The following MICAL2 variants were observed in gnomAD, a reference collection of about 807,000 sequenced individuals.
The protein encoded by MICAL2 is [F-actin]-monooxygenase MICAL2.
In MICAL2, 77 loss-of-function variants were observed where a neutral mutation model predicts 127.3. The observed-to-expected ratio is 0.60, with a 90% confidence interval of 0.50 to 0.73. MICAL2 has a LOEUF of 0.73. MICAL2 is among the 30% of genes least tolerant of loss of function. MICAL2 has a pLI of 0.00. For synonymous variants in MICAL2, 570 were observed against 551.1 expected, an observed-to-expected ratio of 1.03 and a Z score of -0.48; for missense variants, 1,351 against 1,434.4, an observed-to-expected ratio of 0.94 and a Z score of 0.94.
intron 22 of MICAL2, chr11:12,253,330 G>A (rs1398969867): frequency 6.6e-6 from 1 of 152,382 alleles, no homozygotes; most frequent in Non-Finnish European, 1.5e-5. Context: ...ACCTTGCCTG[G>A]CGCTAGCTCT....
chr11:12,267,183 T>G (rs1435787658), downstream of MICAL2, among the ~76,000 whole-genome samples: 3 of 152,186 alleles, frequency 2.0e-5, no homozygotes, highest in Non-Finnish European at 4.4e-5. Flanking sequence ...ACTTTGGTTT[T>G]GCCTTAGTGA....
rs1369241821 is a variant in MICAL2 at position 12,243,982 on chromosome 11, T to G, written c.2659-5T>G. 3 of 1,613,820 alleles carry G rather than the reference T, an allele frequency of 1.9e-6. No individual in the cohort carries two copies. The highest frequency in any genetic ancestry group is 1.7e-6 in the Non-Finnish European group (2 of 1,179,696). On this transcript the variant is annotated splice_region_variant and splice_polypyrimidine_tract_variant and intron_variant, in intron 20 of 27. Transcript: ENST00000683283. The stretch of plus-strand genomic sequence containing the variant: ...CCTTGTTTCTTCTATTTCTGTTCTG[T>G]GCAGAATAAACTACTCTCTAAAGGC...
chr11:12,276,505 C>A (rs542778606), intron 1 of MICAL2: 19 of 187,074 alleles, frequency 1.0e-4, no homozygotes, highest in African/African-American at 3.3e-4. Context: ...ATGGGTGTCA[C>A]CTGTCCCGAG....
rs1275793112 is a variant in MICAL2 at position 12,233,261 on chromosome 11, GTAGTTGGA to G, written c.1996-2914_1996-2907del. ...TATAGTTAAGGAAACTGAAGTCAAA[GTAGTTGGA>G]TGGTTTTCCTGAGATCACACAGCTG... On this transcript the variant is annotated intron_variant, in intron 15 of 27. Coordinates refer to ENST00000683283, the MANE Select transcript of MICAL2 (RefSeq NM_001282663.2). Among the ~76,000 whole-genome samples the G allele has an allele frequency of 2.0e-5, 3 of 152,238 alleles. No individual in the cohort carries two copies. The East Asian group carries it at 5.8e-4, about 29-fold the overall frequency.
intron 17 of MICAL2, among the ~76,000 whole-genome samples, chr11:12,240,016 G>T (rs1233869968): frequency 2.0e-5 from 3 of 152,228 alleles, no homozygotes; most frequent in Non-Finnish European, 4.4e-5. Context: ...GATACAGTTT[G>T]AAGGAGCTTT....
In MICAL2 at chr11:12,162,255, A is replaced by G. The variant is rs755459680; in HGVS notation, c.100A>G (p.Ile34Val). Residue 34 changes from isoleucine (I) to valine (V), a missense_variant, in exon 3 of 28, where the codon ATT (isoleucine) becomes GTT (valine). By Grantham distance (29) the Ile-to-Val change is conservative. Coordinates refer to ENST00000683283, the MANE Select transcript of MICAL2 (RefSeq NM_001282663.2). ...CAAAGGTACCCTCCAGGCCTTCAACATTCTCACACGACACCTGGACCTAGA... is the reference window on the plus strand; with the variant it reads ...CAAAGGTACCCTCCAGGCCTTCAACGTTCTCACACGACACCTGGACCTAGA... ...TCKGTLQAFNILTRHLDLDPL... is the reference protein window; with the variant it reads ...TCKGTLQAFNVLTRHLDLDPL... 1.2e-6 allele frequency: 2 copies of G among 1,614,264 alleles called. No homozygotes were observed. The highest frequency in any genetic ancestry group is 1.7e-6 in the Non-Finnish European group (2 of 1,180,050).
intron 3 of MICAL2, among the ~76,000 whole-genome samples, chr11:12,193,878 T>G (rs1236712791): frequency 6.6e-6 from 1 of 152,250 alleles, no homozygotes; most frequent in African/African-American, 2.4e-5. Flanking sequence ...CAACTGGTGC[T>G]GGATATGGAG....
At chr11:12,224,884 A>G in intron 13 of MICAL2, 64 bp downstream of exon 13, 1 of 1,537,134 alleles carries the variant, frequency 6.5e-7, no homozygotes, top group Non-Finnish European at 8.9e-7. Flanking sequence ...TGCTGCATGC[A>G]GAATCTTCAT....
At chr11:12,356,638 T>C (rs1307699162) in intron 34 of MICAL2, among the ~76,000 whole-genome samples, 1 of 152,212 alleles carries the variant, frequency 6.6e-6, no homozygotes, top group Non-Finnish European at 1.5e-5. Context: ...CGGGCATTCC[T>C]GGCTCACCCA....
At chr11:12,239,175 CAG>C (rs34151691) in intron 16 of MICAL2, among the ~76,000 whole-genome samples, 25,508 of 152,132 alleles carry the variant, frequency 0.17, 2,476 homozygotes, top group Non-Finnish European at 0.21. Flanking sequence ...GCCAACATCA[CAG>C]GGATAAGAAA....
At chr11:12,333,288 T>G (rs2134865679) in intron 32 of MICAL2, among the ~76,000 whole-genome samples, 1 of 152,248 alleles carries the variant, frequency 6.6e-6, no homozygotes, top group East Asian at 1.9e-4. Flanking sequence ...GAGGAAAATC[T>G]TATGGTCTTT....
At chr11:12,285,754 C>G (rs1406583152) in intron 2 of MICAL2, among the ~76,000 whole-genome samples, 1 of 152,192 alleles carries the variant, frequency 6.6e-6, no homozygotes, top group African/African-American at 2.4e-5. Flanking sequence ...CACTGTGAGA[C>G]CTGGCAGGGA....
chr11:12,287,036 A>G, intron 2 of MICAL2: 1 of 398,890 alleles, frequency 2.5e-6, no homozygotes, highest in Non-Finnish European at 4.4e-6. Context: ...CTACACATTT[A>G]ATGGACTCTT....
chr11:12,303,173 G>A (rs1293340331), intron 29 of MICAL2, among the ~76,000 whole-genome samples: 1 of 152,178 alleles, frequency 6.6e-6, no homozygotes, highest in African/African-American at 2.4e-5. Flanking sequence ...TGGGGATTAT[G>A]GGGATTACAG....
intron 29 of MICAL2, chr11:12,303,924 C>G (rs1271012129): frequency 6.6e-6 from 1 of 152,072 alleles, no homozygotes; most frequent in East Asian, 1.9e-4. Flanking sequence ...ATAGTCCCAC[C>G]TACTCAGCAG....
At position 12,344,685 on chromosome 11, in the gene MICAL2, G is replaced by A. The variant is rs148757091; in HGVS notation, c.5516-5153G>A. Among the ~76,000 whole-genome samples, 799 of 150,002 alleles carry A rather than the reference G, an allele frequency of 5.3e-3. 12 individuals carry two copies. Among genetic ancestry groups the A allele is most frequent in the African/African-American group, 0.018 (757 of 41,362 alleles). ...AAGCTAACTTTTGGTATTTTCAGTA[G>A]AGACGGGGTTTCACCATATTGGCTC... is the stretch of plus-strand genomic sequence containing the variant. On this transcript the variant is annotated intron_variant, in intron 32 of 34. Transcript: ENST00000646065.
At chr11:12,330,900 A>AGAGAGTGTGTGTGT (rs1238311364) in intron 32 of MICAL2, among the ~76,000 whole-genome samples, 1 of 119,348 alleles carries the variant, frequency 8.4e-6, no homozygotes, top group East Asian at 2.8e-4. Flanking sequence ...AGAGAGAGAG[A>AGAGAGTGTGTGTGT]GTGTGTGTGT....
intron 2 of MICAL2, among the ~76,000 whole-genome samples, chr11:12,141,886 G>T (rs1399717335): frequency 6.6e-6 from 1 of 152,204 alleles, no homozygotes; most frequent in Non-Finnish European, 1.5e-5. Context: ...ATATGAAAAG[G>T]GGAAAGGCTA....
At chr11:12,165,202 G>T (rs893186239) in intron 3 of MICAL2, among the ~76,000 whole-genome samples, 10 of 151,692 alleles carry the variant, frequency 6.6e-5, no homozygotes, top group Admixed American at 2.0e-4. Context: ...AAAAATGGGT[G>T]TCATCTACAG....
Sources: allele counts gnomAD v4.1 joint callset (sites outside exome capture counted in the v4.1 genomes callset), GRCh38; gene constraint gnomAD v4.1.1; transcripts MANE v1.5; gene names NCBI Gene and HGNC (gene_info 2026-07-23, HGNC 2026-07-21).